Variants in ANO7 observed in about 807,000 individuals in gnomAD.
ANO7 encodes anoctamin-7.
Under a neutral mutation model 115.8 loss-of-function variants are expected in ANO7, and 114 were observed. The observed-to-expected ratio is 0.98, with a 90% CI of 0.85 to 1.15. The LOEUF (loss-of-function observed/expected upper bound fraction) is 1.15, where lower values mean the gene tolerates loss of function less well. ANO7 is among the 50% of genes most tolerant of loss of function. ANO7 has a pLI of 0.00. For synonymous variants in ANO7, 550 were observed against 498.2 expected (o/e 1.10, Z -1.38); for missense variants, 1,302 against 1,201.2 (o/e 1.08, Z -1.24).
intron 15 of ANO7, 25 bp from the exon 16 acceptor site, chr2:241,212,069 T>G: frequency 6.2e-7 from 1 of 1,607,884 alleles, no homozygotes; most frequent in Non-Finnish European, 8.5e-7. Flanking sequence ...CCCCAGGGAC[T>G]GAGCCCAGGC....
At chr2:241,240,000 A>G in the ANO7 span, 23 of 1,614,032 alleles carry the variant, frequency 1.4e-5, no homozygotes, top group Non-Finnish European at 1.5e-5. The surrounding 1 kb of genome is among the most constrained non-coding windows in gnomAD (Gnocchi z 4.6). Flanking sequence ...CCTCAGCCGC[A>G]GGGAAGATGA....
In ANO7 at chr2:241,203,383, G is replaced by T. The variant is rs781022420; in HGVS notation, c.774G>T (p.Gln258His). 1 of 1,601,366 alleles carries T rather than the reference G, an allele frequency of 6.2e-7. No homozygotes were observed. Among genetic ancestry groups the T allele is most frequent in the South Asian group, 1.1e-5 (1 of 89,490 alleles). The part of the protein sequence containing the change: ...PEGPQAPRLN[Q>H]RQVLFQHWAR... ...GCCCGCAGGCTCCACGCCTCAACCA[G>T]CGCCAAGTCCTTTTCCAGCACTGGG... The change falls in exon 9 of 25, where the codon CAG (glutamine) becomes CAT (histidine). Residue 258 changes from glutamine (Q) to histidine (H), a missense_variant. By Grantham distance (24) the Gln-to-His change is conservative (BLOSUM62 0). Coordinates refer to ENST00000674324, the MANE Select transcript of ANO7 (RefSeq NM_001370694.2). This position sits in a 1 kb window ranked among gnomAD's most constrained non-coding sequence, Gnocchi z 4.8.
chr2:241,203,536 C>A lies in ANO7; in HGVS notation c.889+38C>A. The A allele has an allele frequency of 7.2e-7, 1 of 1,389,226 alleles. No individual in the cohort carries two copies. The allele number at this position is 1,389,226 out of a possible 1,614,324, so 86.1% of individuals were successfully genotyped here. A position where few individuals can be genotyped will look rare whatever the true frequency, so the allele number is the denominator to read the frequency against. ...CGCTGCCCCCCAGACCACCTGGGCCCCCCCAGCTTGGTGTCAGGTTGTAAC... is the reference window on the plus strand; with the variant it reads ...CGCTGCCCCCCAGACCACCTGGGCCACCCCAGCTTGGTGTCAGGTTGTAAC... On this transcript the variant is annotated intron_variant, in intron 9 of 24. Coordinates refer to ENST00000674324, the MANE Select transcript of ANO7 (RefSeq NM_001370694.2). The surrounding 1 kb of genome is among the most constrained non-coding windows in gnomAD (Gnocchi z 4.8).
At chr2:241,239,890 C>T in the ANO7 span, 19 of 1,613,464 alleles carry the variant, frequency 1.2e-5, no homozygotes, top group East Asian at 4.0e-4. This position sits in a 1 kb window ranked among gnomAD's most constrained non-coding sequence, Gnocchi z 4.6. Context: ...CCGCCGAGGC[C>T]CGCTCCCTAC....
chr2:241,233,288 CT>C, the ANO7 span, among the ~76,000 whole-genome samples: 2 of 152,118 alleles, frequency 1.3e-5, no homozygotes, highest in Non-Finnish European at 2.9e-5. The surrounding 1 kb of genome is among the most constrained non-coding windows in gnomAD (Gnocchi z 4.3). Flanking sequence ...GGGGATGGGG[CT>C]GCCTTTCATT....
intron 15 of ANO7, among the ~76,000 whole-genome samples, chr2:241,211,272 C>G (rs1472096822): frequency 6.6e-6 from 1 of 152,182 alleles, no homozygotes; most frequent in Non-Finnish European, 1.5e-5. Context: ...TGTGGGGTAT[C>G]GGCTGCTGGG....
chr2:241,236,475 G>A, the ANO7 span: 65 of 817,576 alleles, frequency 8.0e-5, no homozygotes, highest in South Asian at 1.1e-4. Flanking sequence ...CAGCCCGTGC[G>A]CACACGGTAG....
At chr2:241,238,413 G>C in the ANO7 span, 1 of 359,022 alleles carries the variant, frequency 2.8e-6, no homozygotes, top group Non-Finnish European at 5.0e-6. This position sits in a 1 kb window ranked among gnomAD's most constrained non-coding sequence, Gnocchi z 4.9. Context: ...CCTTGGGACT[G>C]GCTACCTTGT....
At chr2:241,239,490 A>G in the ANO7 span, 2 of 837,586 alleles carry the variant, frequency 2.4e-6, no homozygotes, top group Admixed American at 4.1e-5. The surrounding 1 kb of genome is among the most constrained non-coding windows in gnomAD (Gnocchi z 4.6). Context: ...GAAGCCTTCC[A>G]GGGCTGTATG....
downstream of ANO7, chr2:241,230,775 A>G (rs781680747): frequency 6.2e-7 from 1 of 1,614,072 alleles, no homozygotes; most frequent in East Asian, 2.2e-5. The surrounding 1 kb of genome is among the most constrained non-coding windows in gnomAD (Gnocchi z 5.0). Flanking sequence ...TTCGTCCATG[A>G]TTTTGCGAAT....
At chr2:241,189,090 C>T (rs1409176609) in intron 1 of ANO7, among the ~76,000 whole-genome samples, 1 of 152,192 alleles carries the variant, frequency 6.6e-6, no homozygotes, top group Non-Finnish European at 1.5e-5. Flanking sequence ...GCCTGCCCAC[C>T]ACAGAAGGAT....
chr2:241,237,762 T>G, the ANO7 span, among the ~76,000 whole-genome samples: 2 of 152,144 alleles, frequency 1.3e-5, no homozygotes, highest in South Asian at 4.1e-4. Context: ...GAAAAGAAAC[T>G]GGTGCCACAG....
intron 21 of ANO7, among the ~76,000 whole-genome samples, chr2:241,220,126 A>T (rs1420797554): frequency 6.6e-6 from 1 of 152,014 alleles, no homozygotes; most frequent in Non-Finnish European, 1.5e-5. Context: ...TTTCTTATGT[A>T]TTGCCTTCTC....
At chr2:241,208,431 A>G (rs2068637944) in intron 11 of ANO7, among the ~76,000 whole-genome samples, 1 of 152,040 alleles carries the variant, frequency 6.6e-6, no homozygotes, top group African/African-American at 2.4e-5. Context: ...CTCTGCTTCC[A>G]TCTCCACCTG....
At chr2:241,215,133 C>T (rs565077589) in intron 18 of ANO7, among the ~76,000 whole-genome samples, 27 of 152,280 alleles carry the variant, frequency 1.8e-4, no homozygotes, top group East Asian at 7.7e-4. Flanking sequence ...TTGTGGGAGA[C>T]GCTACCCCTG....
intron 10 of ANO7, among the ~76,000 whole-genome samples, chr2:241,205,191 C>G (rs955877609): frequency 6.7e-6 from 1 of 150,110 alleles, no homozygotes; most frequent in African/African-American, 2.5e-5. Flanking sequence ...AGGAGTGCTC[C>G]CAGGCTGACA....
chr2:241,210,623 G>A (rs909802662), intron 15 of ANO7, 53 bp downstream of exon 15: 27 of 1,483,134 alleles, frequency 1.8e-5, no homozygotes, highest in African/African-American at 6.9e-5. Flanking sequence ...CCTGCCGGCC[G>A]CCAGCCAGAA....
the ANO7 span, among the ~76,000 whole-genome samples, chr2:241,237,918 T>A: frequency 2.0e-5 from 3 of 152,238 alleles, no homozygotes; most frequent in South Asian, 4.1e-4. Flanking sequence ...CAAAGGGGCT[T>A]GAATGGCTGT....
At position 241,200,091 on chromosome 2, in the gene ANO7, G is replaced by A. The variant is rs139314813; in HGVS notation, c.420G>A (p.Glu140=). Residue 140 remains glutamate, a splice_region_variant and synonymous_variant, in exon 6 of 25, where the codon GAG becomes GAA. Transcript: ENST00000674324. ...GAGCCACTGACGTTTCCTTCCAGGAGTTACCCAACCAGGCCTCCAACTGGT... is the reference window on the plus strand; with the variant it reads ...GAGCCACTGACGTTTCCTTCCAGGAATTACCCAACCAGGCCTCCAACTGGT... ...EDLRLKLPLQ[E]LPNQASNWSA... The A allele has an allele frequency of 6.3e-5, 101 of 1,612,018 alleles. No individual in the cohort carries two copies. In the African/African-American group the frequency reaches 1.2e-3, roughly 19 times the overall value.
Sources: allele counts gnomAD v4.1 joint callset (sites outside exome capture counted in the v4.1 genomes callset), GRCh38; gene constraint gnomAD v4.1.1; non-coding constraint Gnocchi (gnomAD v3.1); transcripts MANE v1.5; gene names NCBI Gene and HGNC (gene_info 2026-07-23, HGNC 2026-07-21).